The following FOXK1 variants were observed in gnomAD, a reference collection of about 807,000 sequenced individuals.
FOXK1 encodes forkhead box protein K1.
In FOXK1, 19 loss-of-function variants were observed where a neutral mutation model predicts 51.9. The observed-to-expected ratio is 0.37, with a 90% CI of 0.26 to 0.54. The LOEUF is 0.54. Among genes scored for constraint, FOXK1 ranks in the 20% least tolerant of loss-of-function variants. The probability of loss-of-function intolerance (pLI) is 0.87; values close to 1 mark genes in which losing one functional copy is unlikely to be tolerated. For synonymous variants in FOXK1, 537 were observed against 482.6 expected, an observed-to-expected ratio of 1.11 and a Z score of -1.48; for missense variants, 870 against 1,032.7, an observed-to-expected ratio of 0.84 and a Z score of 2.16.
In FOXK1 at chr7:4,692,765, C is replaced by T. The variant is rs185233938; in HGVS notation, c.560+9897C>T. Among the ~76,000 whole-genome samples, 13 of 151,756 alleles carry T rather than the reference C, an allele frequency of 8.6e-5. No homozygotes were observed. In the East Asian group the frequency reaches 1.6e-3, roughly 18 times the overall value. On this transcript the variant is annotated intron_variant, in intron 1 of 8. Coordinates refer to ENST00000328914, the MANE Select transcript of FOXK1 (RefSeq NM_001037165.2). Reference sequence around the variant, plus strand: ...TTTTTGAGACAGTGTCTTGCTCTGTCACCCAGGCTAGAGTGCAGTGGTGCA... The same window carrying T: ...TTTTTGAGACAGTGTCTTGCTCTGTTACCCAGGCTAGAGTGCAGTGGTGCA...
At chr7:4,705,546 T>TCGCTCTCGCTCTCGCTCTCG (rs1359587049) in intron 1 of FOXK1, among the ~76,000 whole-genome samples, 161 of 125,184 alleles carry the variant, frequency 1.3e-3, no homozygotes, top group Non-Finnish European at 2.5e-3. Context: ...TCTCTCTCTC[T>TCGCTCTCGCTCTCGCTCTCG]CTCTCTCTCT....
At chr7:4,741,964 G>A (rs1243971042) in intron 2 of FOXK1, among the ~76,000 whole-genome samples, 1 of 152,258 alleles carries the variant, frequency 6.6e-6, no homozygotes, top group Non-Finnish European at 1.5e-5. Flanking sequence ...CTTGAGGCTG[G>A]AGGGTTCATA....
intron 1 of FOXK1, among the ~76,000 whole-genome samples, chr7:4,690,770 G>A (rs1223046176): frequency 3.3e-5 from 5 of 152,294 alleles, no homozygotes; most frequent in Admixed American, 3.3e-4. Context: ...GTGCTGAAAT[G>A]AGACTAAAGC....
intron 1 of FOXK1, among the ~76,000 whole-genome samples, chr7:4,713,647 A>C (rs1780201827): frequency 6.6e-6 from 1 of 151,480 alleles, no homozygotes; most frequent in Admixed American, 6.6e-5. Flanking sequence ...ACGTGCCACC[A>C]CGCCCAGCTA....
At position 4,709,249 on chromosome 7, in the gene FOXK1, C is replaced by T. The variant is rs1409901543; in HGVS notation, c.560+26381C>T. ...CTGCCTGGCATCCCCACCCTGTCAT[C>T]CCGAGAATCCCACTGCATGTTTTGG... is the stretch of plus-strand genomic sequence containing the variant. On this transcript the variant is annotated intron_variant, in intron 1 of 8. Coordinates refer to ENST00000328914, the MANE Select transcript of FOXK1 (RefSeq NM_001037165.2). This position sits in a 1 kb window ranked among gnomAD's most constrained non-coding sequence, Gnocchi z 5.6. Among the ~76,000 whole-genome samples the T allele has an allele frequency of 6.6e-6, 1 of 152,136 alleles. No homozygotes were observed. The highest frequency in any genetic ancestry group is 1.5e-5 in the Non-Finnish European group (1 of 68,018).
intron 2 of FOXK1, among the ~76,000 whole-genome samples, chr7:4,750,072 G>C (rs537983858): frequency 1.3e-5 from 2 of 152,344 alleles, no homozygotes; most frequent in East Asian, 3.9e-4. Context: ...GAATCCTCCA[G>C]CTCTCTCGCC....
intron 1 of FOXK1, among the ~76,000 whole-genome samples, chr7:4,706,010 A>ATACGTATATG (rs1780093500): frequency 9.1e-6 from 1 of 110,192 alleles, no homozygotes; most frequent in Non-Finnish European, 1.7e-5. Flanking sequence ...ATACGTATAT[A>ATACGTATATG]TACGTATATA....
Position 4,754,582 on chromosome 7 carries a change from G to C in FOXK1, c.870G>C (p.Gln290His). The part of the protein sequence containing the change: ...AEFAAKAASE[Q>H]QADTSGGDSP... ...TTGCAGCAAAGGCCGCGTCGGAGCA[G>C]CAGGCAGACACGTCTGGAGGAGACA... Residue 290 changes from glutamine to histidine, a missense_variant, in exon 3 of 9, where the codon CAG (glutamine) becomes CAC (histidine). By Grantham distance (24) the Gln-to-His change is conservative. Around this residue, in one of 3 missense-constraint regions of FOXK1, gnomAD observed 399 missense variants for 475.6 expected, o/e 0.84. Coordinates refer to ENST00000328914, the MANE Select transcript of FOXK1 (RefSeq NM_001037165.2). The C allele has an allele frequency of 6.2e-7, 1 of 1,607,592 alleles. No individual in the cohort carries two copies. The highest frequency in any genetic ancestry group is 8.5e-7 in the Non-Finnish European group (1 of 1,179,994).
Position 4,707,608 on chromosome 7 carries a change from C to T in FOXK1, c.560+24740C>T, listed in dbSNP as rs1780118673. On this transcript the variant is annotated intron_variant, in intron 1 of 8. Transcript: ENST00000328914. This position sits in a 1 kb window ranked among gnomAD's most constrained non-coding sequence, Gnocchi z 4.1. Reference sequence around the variant, plus strand: ...TCCGGGTTTTCCTGGAGAAGGCTGCCTCACTGGGTCTTTGCAGTTGGCGTG... The same window carrying T: ...TCCGGGTTTTCCTGGAGAAGGCTGCTTCACTGGGTCTTTGCAGTTGGCGTG... Among the ~76,000 whole-genome samples the T allele has an allele frequency of 6.6e-6, 1 of 152,044 alleles. No homozygotes were observed. Among genetic ancestry groups the T allele is most frequent in the Non-Finnish European group, 1.5e-5 (1 of 68,028 alleles).
At chr7:4,699,429 C>T (rs6975390) in intron 1 of FOXK1, among the ~76,000 whole-genome samples, 3 of 150,886 alleles carry the variant, frequency 2.0e-5, no homozygotes, top group Admixed American at 1.3e-4. Flanking sequence ...AGTGCAGTGA[C>T]ACGATCTCGG....
chr7:4,728,730 G>GAAAAAAAAAAAAAAAAA (rs67143977), intron 1 of FOXK1, among the ~76,000 whole-genome samples: 1 of 103,892 alleles, frequency 9.6e-6, no homozygotes, highest in Non-Finnish European at 1.9e-5. Context: ...GTCTCTTTTT[G>GAAAAAAAAAAAAAAAAA]AAAAAAAAAA....
chr7:4,749,956 C>T lies in FOXK1; in HGVS notation c.747-4503C>T, dbSNP rs568983334. Among the ~76,000 whole-genome samples the T allele has an allele frequency of 7.9e-5, 12 of 152,228 alleles. No homozygotes were observed. Among genetic ancestry groups the T allele is most frequent in the Non-Finnish European group, 1.5e-4 (10 of 68,038 alleles). ...CCTGCACTGGCATGTCCTGGGTGGT[C>T]CCAGTGGCACCTTCTAGGCCCGGCC... On this transcript the variant is annotated intron_variant, in intron 2 of 8. Coordinates refer to ENST00000328914, the MANE Select transcript of FOXK1 (RefSeq NM_001037165.2). The surrounding 1 kb of genome is among the most constrained non-coding windows in gnomAD (Gnocchi z 6.0).
At chr7:4,700,063 G>C (rs917473357) in intron 1 of FOXK1, among the ~76,000 whole-genome samples, 7 of 152,154 alleles carry the variant, frequency 4.6e-5, no homozygotes, top group Admixed American at 3.9e-4. Context: ...GCCTGCCTGA[G>C]AGCCATTTCC....
intron 1 of FOXK1, 62 bp from the exon 2 acceptor site, chr7:4,740,776 G>C: frequency 6.6e-7 from 1 of 1,515,654 alleles, no homozygotes; most frequent in African/African-American, 1.4e-5. Context: ...CACCTTCCCT[G>C]GGTGTTGGCG....
rs1780801839 is a variant in FOXK1, at chr7:4,753,235, C to CCT, written c.747-1221_747-1220dup. Among the ~76,000 whole-genome samples, 1 of 152,158 alleles carries CCT rather than the reference C, an allele frequency of 6.6e-6. No individual in the cohort carries two copies. The highest frequency in any genetic ancestry group is 1.9e-4 in the East Asian group (1 of 5,200). ...AGCCACAGGATTTTTTTCATTCATTCCTCTGCTCCATCCAAAAAATGTTTC... is the reference window on the plus strand; with the variant it reads ...AGCCACAGGATTTTTTTCATTCATTCCTCTCTGCTCCATCCAAAAAATGTTTC... On this transcript the variant is annotated intron_variant, in intron 2 of 8. Transcript: ENST00000328914. This position sits in a 1 kb window ranked among gnomAD's most constrained non-coding sequence, Gnocchi z 4.9.
At chr7:4,726,242 TTTAC>T (rs1780379959) in intron 1 of FOXK1, among the ~76,000 whole-genome samples, 1 of 152,102 alleles carries the variant, frequency 6.6e-6, no homozygotes, top group Non-Finnish European at 1.5e-5. Flanking sequence ...TACGAATGCT[TTTAC>T]TTAGGAAGCA....
At chr7:4,759,791 G>A in intron 7 of FOXK1, 196 bp downstream of exon 7, 1 of 697,272 alleles carries the variant, frequency 1.4e-6, no homozygotes, top group Non-Finnish European at 2.3e-6. Flanking sequence ...AGTGCTTTGG[G>A]AGGCCAAAGC....
At chr7:4,687,171 A>T (rs924702758) in intron 1 of FOXK1, among the ~76,000 whole-genome samples, 7 of 151,606 alleles carry the variant, frequency 4.6e-5, no homozygotes, top group Admixed American at 3.3e-4. Flanking sequence ...TGACCTCATG[A>T]TCCACCCTCC....
rs781521735 is a variant in FOXK1 at position 4,730,375 on chromosome 7, G to A, written c.561-10463G>A. On this transcript the variant is annotated intron_variant, in intron 1 of 8. Transcript: ENST00000328914. The surrounding 1 kb of genome is among the most constrained non-coding windows in gnomAD (Gnocchi z 4.7). ...CCACCCTGCTACCCAGCTTGCCACC[G>A]CTGTCAGCCGTGGGGTTCAGGAGAA... Among the ~76,000 whole-genome samples the A allele has an allele frequency of 6.6e-5, 10 of 152,174 alleles. No individual in the cohort carries two copies. Among genetic ancestry groups the A allele is most frequent in the African/African-American group, 9.7e-5 (4 of 41,448 alleles).
Sources: gnomAD v4.1 joint callset for allele counts (sites outside exome capture counted in the v4.1 genomes callset) on GRCh38, gnomAD v4.1.1 for gene constraint, gnomAD v4.1.1 regional missense constraint, Gnocchi (gnomAD v3.1) non-coding constraint, MANE v1.5 for transcripts, NCBI Gene and HGNC (gene_info 2026-07-23, HGNC 2026-07-21) for gene names.